LRBA: variants seen among roughly 807,000 people sequenced by gnomAD.
LRBA encodes LPS responsive beige-like anchor protein.
LRBA carries 176 observed loss-of-function variants against 330.0 expected under a neutral mutation model. The ratio of observed to expected loss-of-function variants is 0.53; its 90% CI spans 0.47 to 0.60. The LOEUF (loss-of-function observed/expected upper bound fraction) is 0.60. Among genes scored for constraint, LRBA ranks in the 20% least tolerant of loss-of-function variants. The pLI, the probability that LRBA is intolerant of heterozygous loss-of-function variation, is 0.00. For missense variants in LRBA, 3,259 were observed against 3,444.8 expected (o/e 0.95, Z 1.35); for synonymous variants, 1,230 against 1,193.0 (o/e 1.03, Z -0.64).
intron 2 of LRBA, among the ~76,000 whole-genome samples, chr4:150,946,792 A>G (rs1351334220): frequency 6.6e-6 from 1 of 152,080 alleles, no homozygotes; most frequent in Non-Finnish European, 1.5e-5. Context: ...ATCAATGAAG[A>G]GCTAGTTCTT....
intron 40 of LRBA, among the ~76,000 whole-genome samples, chr4:150,564,449 G>A (rs146625067): frequency 6.6e-6 from 1 of 152,070 alleles, no homozygotes; most frequent in Admixed American, 6.5e-5. Flanking sequence ...AGAAAACCTA[G>A]GCAATACCAT....
intron 2 of LRBA, among the ~76,000 whole-genome samples, chr4:151,003,827 G>A (rs940120560): frequency 2.7e-5 from 4 of 150,742 alleles, no homozygotes; most frequent in Non-Finnish European, 4.4e-5. Flanking sequence ...ACACATAGAC[G>A]AATGGAACAG....
rs1618979 is a variant in LRBA at position 150,828,924 on chromosome 4, T to G, written c.4730-303A>C. 0.12 allele frequency among the ~76,000 whole-genome samples: 13,395 copies of G among 107,392 alleles called. 846 individuals carry two copies. Among genetic ancestry groups the G allele is most frequent in the African/African-American group, 0.29 (5,858 of 20,128 alleles). The allele number at this position is 107,392 out of a possible 152,430, so 70.5% of individuals were successfully genotyped here. ...AAAAGTCTATAATCTTTTTTGGGGG[T>G]GTGTGTGTGTGTGTGTGTGTGTGTG... is the stretch of plus-strand genomic sequence containing the variant. On this transcript the variant is annotated intron_variant, in intron 29 of 56. Transcript: ENST00000651943.
rs866935210 is a variant in LRBA, at chr4:150,882,508, C to G, written c.2166-9753G>C. On this transcript the variant is annotated intron_variant, in intron 17 of 56. Transcript: ENST00000651943. ...ATAAAGAAAAGTGTAAGGGAGATAA[C>G]AAAAATAACCCATGAAGAACAATAT... Among the ~76,000 whole-genome samples the G allele has an allele frequency of 6.6e-5, 10 of 152,078 alleles. No homozygotes were observed. The South Asian group carries it at 2.1e-3, about 32-fold the overall frequency.
At chr4:150,339,022 C>T (rs1286119562) in intron 48 of LRBA, among the ~76,000 whole-genome samples, 1 of 151,540 alleles carries the variant, frequency 6.6e-6, no homozygotes, top group African/African-American at 2.4e-5. Context: ...TTCTAGAATT[C>T]AGGAATCTTA....
chr4:150,930,701 A>G (rs1734398671), intron 2 of LRBA, among the ~76,000 whole-genome samples: 1 of 152,172 alleles, frequency 6.6e-6, no homozygotes, highest in African/African-American at 2.4e-5. Context: ...GAACAATGTG[A>G]GGATCTGTAC....
chr4:150,268,654 C>G (rs1226795438), intron 56 of LRBA, among the ~76,000 whole-genome samples: 1 of 152,186 alleles, frequency 6.6e-6, no homozygotes, highest in Non-Finnish European at 1.5e-5. Context: ...ACAAAACAAG[C>G]CCACATGATC....
intron 2 of LRBA, among the ~76,000 whole-genome samples, chr4:150,966,145 A>G (rs1738855680): frequency 6.6e-6 from 1 of 152,078 alleles, no homozygotes; most frequent in Non-Finnish European, 1.5e-5. Flanking sequence ...TTGCCCCTGG[A>G]GAAAGGGAAG....
chr4:150,845,363 G>C (rs185237706), intron 26 of LRBA, among the ~76,000 whole-genome samples: 43 of 152,266 alleles, frequency 2.8e-4, no homozygotes, highest in Non-Finnish European at 5.4e-4. Flanking sequence ...CATTAAAACT[G>C]CTTAGAAAAT....
intron 34 of LRBA, among the ~76,000 whole-genome samples, chr4:150,771,015 A>G (rs1220931001): frequency 6.6e-6 from 1 of 152,170 alleles, no homozygotes; most frequent in Non-Finnish European, 1.5e-5. Context: ...TTTTTGCCTG[A>G]GGATTCAGAG....
At chr4:150,967,420 C>T (rs1289956335) in intron 2 of LRBA, among the ~76,000 whole-genome samples, 1 of 152,214 alleles carries the variant, frequency 6.6e-6, no homozygotes, top group Non-Finnish European at 1.5e-5. Context: ...GCTCTCCCTC[C>T]CTAAAATTCA....
intron 2 of LRBA, among the ~76,000 whole-genome samples, chr4:150,989,688 A>C (rs771944420): frequency 3.7e-4 from 57 of 152,146 alleles, no homozygotes; most frequent in Admixed American, 6.6e-4. Flanking sequence ...GGGTAAACTT[A>C]ATCTTCCTCA....
rs545609265 is a variant in LRBA, at chr4:151,004,116, G to A, written c.216+10311C>T. Among the ~76,000 whole-genome samples, 14 of 152,046 alleles carry A rather than the reference G, an allele frequency of 9.2e-5. No individual in the cohort carries two copies. The South Asian group carries it at 2.1e-3, about 23-fold the overall frequency. On this transcript the variant is annotated intron_variant, in intron 2 of 56. Coordinates refer to ENST00000651943, the MANE Select transcript of LRBA (RefSeq NM_001364905.1). The stretch of plus-strand genomic sequence containing the variant: ...GTATGGTTTGTTGATACAGGGTTTC[G>A]CCATGCTGCCCAACTGGGTTCAAGC...
intron 48 of LRBA, 130 bp downstream of exon 48, chr4:150,349,862 G>A: frequency 1.3e-6 from 1 of 752,672 alleles, no homozygotes; most frequent in Non-Finnish European, 2.1e-6. Context: ...AAATTATTCT[G>A]CTTAAGGCAC....
chr4:150,851,785 ATG>A, intron 23 of LRBA, 98 bp downstream of exon 23: 1 of 1,246,872 alleles, frequency 8.0e-7, no homozygotes, highest in Non-Finnish European at 1.1e-6. Flanking sequence ...TGTGAATAGC[ATG>A]TGAACCAAAT....
chr4:150,544,980 T>G (rs1765705794), intron 40 of LRBA, among the ~76,000 whole-genome samples: 1 of 152,218 alleles, frequency 6.6e-6, no homozygotes, highest in African/African-American at 2.4e-5. Flanking sequence ...TGACTTCAGA[T>G]TGTATCGCCT....
At chr4:150,648,572 A>G (rs938413693) in intron 37 of LRBA, among the ~76,000 whole-genome samples, 1 of 150,162 alleles carries the variant, frequency 6.7e-6, no homozygotes, top group Non-Finnish European at 1.5e-5. Context: ...CCACATTTCT[A>G]AATTACCCCA....
Position 150,820,550 on chromosome 4 carries a change from T to G in LRBA, c.5172-3293A>C, listed in dbSNP as rs1383267372. On this transcript the variant is annotated intron_variant, in intron 30 of 56. Coordinates refer to ENST00000651943, the MANE Select transcript of LRBA (RefSeq NM_001364905.1). ...TTTTTAAAAGCTGAATTATTTCATA[T>G]AGCTACATAATTAGTATATAATAGA... Among the ~76,000 whole-genome samples, 7 of 152,152 alleles carry G rather than the reference T, an allele frequency of 4.6e-5. No homozygotes were observed. The South Asian group carries it at 1.5e-3, about 32-fold the overall frequency.
chr4:150,341,717 T>C (rs1028284269), intron 48 of LRBA, among the ~76,000 whole-genome samples: 1 of 151,340 alleles, frequency 6.6e-6, no homozygotes, highest in Non-Finnish European at 1.5e-5. Context: ...ATATAATATA[T>C]ATATATTTAT....
Sources: gnomAD v4.1 joint callset for allele counts (sites outside exome capture counted in the v4.1 genomes callset) on GRCh38, gnomAD v4.1.1 for gene constraint, MANE v1.5 for transcripts, NCBI Gene and HGNC (gene_info 2026-07-23, HGNC 2026-07-21) for gene names.